The following GPC5 variants were observed in gnomAD, a reference collection of about 807,000 sequenced individuals.
The protein encoded by GPC5 is glypican 5, also known as glypican-5.
In GPC5, 47 loss-of-function variants were observed where a neutral mutation model predicts 53.9. The ratio of observed to expected loss-of-function variants is 0.87; its 90% confidence interval spans 0.69 to 1.11. GPC5 has a LOEUF of 1.11. GPC5 is among the 50% of genes most tolerant of loss of function. GPC5 has a pLI of 0.00. For synonymous variants in GPC5, 286 were observed against 263.3 expected, an observed-to-expected ratio of 1.09 and a Z score of -0.84; for missense variants, 748 against 713.1, an observed-to-expected ratio of 1.05 and a Z score of -0.56.
chr13:91,627,438 C>G (rs995068137), intron 2 of GPC5, among the ~76,000 whole-genome samples: 1 of 151,994 alleles, frequency 6.6e-6, no homozygotes, highest in Non-Finnish European at 1.5e-5. Context: ...TTGTGGAAGA[C>G]AGTGTGAGGA....
intron 7 of GPC5, among the ~76,000 whole-genome samples, chr13:92,695,662 T>C (rs1887536275): frequency 6.6e-6 from 1 of 152,110 alleles, no homozygotes; most frequent in Non-Finnish European, 1.5e-5. Context: ...GTAGGACTTA[T>C]GAAGTTGAAG....
chr13:92,752,670 C>T (rs989683766), intron 7 of GPC5, among the ~76,000 whole-genome samples: 3 of 152,144 alleles, frequency 2.0e-5, no homozygotes, highest in Non-Finnish European at 4.4e-5. Flanking sequence ...GGCATTGCCT[C>T]ATTCGGGAAG....
At chr13:92,187,145 A>G (rs2042190069) in intron 7 of GPC5, among the ~76,000 whole-genome samples, 1 of 151,976 alleles carries the variant, frequency 6.6e-6, no homozygotes, top group South Asian at 2.1e-4. Context: ...GAAACTGTTC[A>G]CTCAGCATGT....
At chr13:92,481,259 C>G (rs1879344918) in intron 7 of GPC5, among the ~76,000 whole-genome samples, 1 of 151,988 alleles carries the variant, frequency 6.6e-6, no homozygotes, top group South Asian at 2.1e-4. Context: ...CACCACCATG[C>G]CCAGCTAATG....
intron 7 of GPC5, among the ~76,000 whole-genome samples, chr13:92,520,542 T>C (rs1468624112): frequency 2.0e-5 from 3 of 152,100 alleles, no homozygotes; most frequent in Non-Finnish European, 4.4e-5. Context: ...CATGATTGTC[T>C]CAATAGATGC....
intron 7 of GPC5, among the ~76,000 whole-genome samples, chr13:92,681,808 T>A (rs1887118508): frequency 6.6e-6 from 1 of 152,180 alleles, no homozygotes; most frequent in Non-Finnish European, 1.5e-5. Context: ...TGGAATAGCA[T>A]TTTCCCTGTT....
chr13:92,754,188 G>A (rs865843026), intron 7 of GPC5, among the ~76,000 whole-genome samples: 2 of 152,228 alleles, frequency 1.3e-5, no homozygotes, highest in East Asian at 3.9e-4. Context: ...CATTCTTAAA[G>A]ACAAGAATTT....
At chr13:92,300,266 T>C (rs2043066589) in intron 7 of GPC5, among the ~76,000 whole-genome samples, 1 of 152,152 alleles carries the variant, frequency 6.6e-6, no homozygotes, top group Non-Finnish European at 1.5e-5. Flanking sequence ...ATTTCTCTGA[T>C]TTTCTTTCCA....
intron 2 of GPC5, among the ~76,000 whole-genome samples, chr13:91,619,725 A>G (rs2033801331): frequency 1.3e-5 from 2 of 152,130 alleles, no homozygotes; most frequent in African/African-American, 4.8e-5. Flanking sequence ...ATTCATTTTT[A>G]TAGGTTTTGT....
chr13:91,424,872 G>A (rs555313072), intron 1 of GPC5, among the ~76,000 whole-genome samples: 3 of 152,296 alleles, frequency 2.0e-5, no homozygotes, highest in African/African-American at 4.8e-5. Context: ...TCAGGTAAGA[G>A]AGTAAGTCAG....
chr13:91,745,262 G>C (rs937396743), intron 4 of GPC5, among the ~76,000 whole-genome samples: 16 of 152,108 alleles, frequency 1.1e-4, no homozygotes, highest in South Asian at 2.1e-4. Flanking sequence ...TTTTTTTATG[G>C]GGACATTAAG....
At chr13:91,521,114 A>G (rs1316467711) in intron 2 of GPC5, among the ~76,000 whole-genome samples, 1 of 152,184 alleles carries the variant, frequency 6.6e-6, no homozygotes, top group Non-Finnish European at 1.5e-5. Context: ...AACAGGGCCA[A>G]ACCACTTGTT....
At chr13:91,947,279 T>TA (rs542788974) in intron 6 of GPC5, among the ~76,000 whole-genome samples, 146 of 151,298 alleles carry the variant, frequency 9.6e-4, no homozygotes, top group African/African-American at 2.6e-3. Context: ...TCATTTTATG[T>TA]AAAAAAAAAT....
chr13:92,692,761 T>TTTTTTTTTTTTTTTTTTA, intron 7 of GPC5, among the ~76,000 whole-genome samples: 1 of 143,716 alleles, frequency 7.0e-6, no homozygotes. Context: ...GCTATTTTTT[T>TTTTTTTTTTTTTTTTTTA]TTTTTTTTTT....
chr13:92,862,876 A>C (rs895303565), intron 7 of GPC5, among the ~76,000 whole-genome samples: 1 of 152,220 alleles, frequency 6.6e-6, no homozygotes, highest in African/African-American at 2.4e-5. Context: ...GTGAAACTAA[A>C]AGCATTTTTA....
intron 2 of GPC5, among the ~76,000 whole-genome samples, chr13:91,467,110 G>A (rs1444941765): frequency 6.6e-6 from 1 of 152,178 alleles, no homozygotes; most frequent in Non-Finnish European, 1.5e-5. Flanking sequence ...TGGAAATTAT[G>A]ACTGCTTTTA....
At chr13:92,204,737 C>T (rs2042320536) in intron 7 of GPC5, among the ~76,000 whole-genome samples, 1 of 152,168 alleles carries the variant, frequency 6.6e-6, no homozygotes, top group Non-Finnish European at 1.5e-5. Flanking sequence ...TGGAAGGTTT[C>T]CAAACATGAG....
At chr13:91,957,007 T>A (rs906021910) in intron 6 of GPC5, among the ~76,000 whole-genome samples, 2 of 151,568 alleles carry the variant, frequency 1.3e-5, no homozygotes, top group Non-Finnish European at 2.9e-5. Context: ...CCAAGAAAAA[T>A]AATTCAAAAT....
Position 91,688,452 on chromosome 13 carries a change from A to T in GPC5, c.326-4735A>T, listed in dbSNP as rs9589335. On this transcript the variant is annotated intron_variant, in intron 2 of 7. Coordinates refer to ENST00000377067, the MANE Select transcript of GPC5 (RefSeq NM_004466.6). ...ATATTACATATATTTAGGTAATTCAATTAACTGGAATATTTCAATATCAGG... is the reference window on the plus strand; with the variant it reads ...ATATTACATATATTTAGGTAATTCATTTAACTGGAATATTTCAATATCAGG... Among the ~76,000 whole-genome samples the T allele has an allele frequency of 5.3e-3, 801 of 152,308 alleles. 11 individuals are homozygous for T. Among genetic ancestry groups the T allele is most frequent in the South Asian group, 0.035 (167 of 4,822 alleles).
Sources: gnomAD v4.1 joint callset for allele counts (sites outside exome capture counted in the v4.1 genomes callset) on GRCh38, gnomAD v4.1.1 for gene constraint, MANE v1.5 for transcripts, NCBI Gene and HGNC (gene_info 2026-07-23, HGNC 2026-07-21) for gene names.